Variants in PRR16 observed in about 807,000 individuals in gnomAD.
PRR16 encodes the protein protein Largen.
PRR16 carries 6 observed loss-of-function variants against 18.2 expected under a neutral mutation model. That is an observed-to-expected ratio of 0.33 (90% CI 0.18 to 0.65). The LOEUF is 0.65. Among genes scored for constraint, PRR16 ranks in the 30% least tolerant of loss-of-function variants. The pLI is 0.74. For missense variants in PRR16, 412 were observed against 376.6 expected, an observed-to-expected ratio of 1.09 and a Z score of -0.78; for synonymous variants, 151 against 147.8, an observed-to-expected ratio of 1.02 and a Z score of -0.16.
rs576755033 is a variant in PRR16, at chr5:120,541,207, C to T, written c.159+76562C>T. Among the ~76,000 whole-genome samples, 20 of 152,206 alleles carry T rather than the reference C, an allele frequency of 1.3e-4. No homozygotes were observed. In the South Asian group the frequency reaches 3.7e-3, roughly 28 times the overall value. ...TGTCATCCAGGTTGGAGAGCAGTAG[C>T]GCAATCTCGGCTCACTGCAACCTCT... On this transcript the variant is annotated intron_variant, in intron 1 of 1. Transcript: ENST00000407149.
At chr5:120,678,152 G>A (rs1183883245) in intron 1 of PRR16, among the ~76,000 whole-genome samples, 1 of 151,810 alleles carries the variant, frequency 6.6e-6, no homozygotes, top group Non-Finnish European at 1.5e-5. Context: ...CTGGTGATCC[G>A]CCTGCCTCGG....
chr5:120,530,482 G>A (rs1422592258), intron 1 of PRR16, among the ~76,000 whole-genome samples: 1 of 150,646 alleles, frequency 6.6e-6, no homozygotes, highest in African/African-American at 2.4e-5. Flanking sequence ...ATATCTCTGT[G>A]TACTTTTTGT....
intron 1 of PRR16, among the ~76,000 whole-genome samples, chr5:120,614,223 C>T (rs181988978): frequency 2.5e-3 from 388 of 152,280 alleles, no homozygotes; most frequent in Non-Finnish European, 4.0e-3. Context: ...AGTGTAAAAC[C>T]TATCATGATT....
intron 1 of PRR16, among the ~76,000 whole-genome samples, chr5:120,590,015 C>A (rs1444969128): frequency 6.6e-6 from 1 of 152,062 alleles, no homozygotes; most frequent in Non-Finnish European, 1.5e-5. Flanking sequence ...TATGTTTCTT[C>A]CCTGATTTAT....
intron 1 of PRR16, among the ~76,000 whole-genome samples, chr5:120,683,366 G>T (rs1372022914): frequency 6.6e-6 from 1 of 151,836 alleles, no homozygotes; most frequent in Non-Finnish European, 1.5e-5. Context: ...GGTGGGTGTG[G>T]TGGTGGCTGC....
chr5:120,486,907 C>T, intron 1 of PRR16, among the ~76,000 whole-genome samples: 1 of 152,190 alleles, frequency 6.6e-6, no homozygotes, highest in African/African-American at 2.4e-5. Context: ...ATAGGGAATC[C>T]TTTCCCCATT....
intron 1 of PRR16, among the ~76,000 whole-genome samples, chr5:120,626,571 A>G (rs899844924): frequency 3.3e-5 from 5 of 152,148 alleles, no homozygotes; most frequent in African/African-American, 4.8e-5. Flanking sequence ...GCATTTATCT[A>G]AAAGAATTGT....
At chr5:120,777,520 TC>T in the PRR16 span, among the ~76,000 whole-genome samples, 1 of 152,122 alleles carries the variant, frequency 6.6e-6, no homozygotes, top group Non-Finnish European at 1.5e-5. Flanking sequence ...TGCTCACTTT[TC>T]CCTATTCTCA....
chr5:120,496,634 A>AT (rs544079889), intron 1 of PRR16, among the ~76,000 whole-genome samples: 3,707 of 150,096 alleles, frequency 0.025, 55 homozygotes, highest in South Asian at 0.036. Context: ...TTGTAAATTT[A>AT]TTTTTTTTTG....
chr5:120,500,482 C>T (rs887562240), intron 1 of PRR16, among the ~76,000 whole-genome samples: 2 of 152,148 alleles, frequency 1.3e-5, no homozygotes, highest in African/African-American at 2.4e-5. Flanking sequence ...GAAGCAGAAT[C>T]GTTAATGCCT....
intron 1 of PRR16, among the ~76,000 whole-genome samples, chr5:120,628,705 T>C (rs1754954464): frequency 9.4e-6 from 1 of 106,434 alleles, no homozygotes; most frequent in South Asian, 3.3e-4. Flanking sequence ...CATCTATCTA[T>C]CTATCTATCT....
the PRR16 span, among the ~76,000 whole-genome samples, chr5:120,718,516 G>T: frequency 6.6e-6 from 1 of 152,062 alleles, no homozygotes; most frequent in Non-Finnish European, 1.5e-5. Flanking sequence ...TCTTTCTTGT[G>T]TGTGTTTTTT....
chr5:120,745,411 C>G, the PRR16 span, among the ~76,000 whole-genome samples: 1 of 152,116 alleles, frequency 6.6e-6, no homozygotes. Flanking sequence ...AGCATCCACT[C>G]TTTCTCATTA....
intron 1 of PRR16, among the ~76,000 whole-genome samples, chr5:120,668,365 G>T (rs1756470424): frequency 6.7e-6 from 1 of 149,664 alleles, no homozygotes; most frequent in African/African-American, 2.5e-5. Flanking sequence ...TGTGAGATGG[G>T]TTTCCTGAAT....
At chr5:120,502,136 C>A (rs1293213372) in intron 1 of PRR16, among the ~76,000 whole-genome samples, 1 of 150,886 alleles carries the variant, frequency 6.6e-6, no homozygotes, top group African/African-American at 2.4e-5. Flanking sequence ...CCCTTTGTTT[C>A]AATAATTTCA....
the PRR16 span, among the ~76,000 whole-genome samples, chr5:120,754,401 T>TTATACCATATAGTATATATTATATAATA: frequency 1.5e-5 from 1 of 67,212 alleles, no homozygotes; most frequent in African/African-American, 6.7e-5. Flanking sequence ...ATGTTATATA[T>TTATACCATATAGTATATATTATATAATA]TATACTATAT....
chr5:120,780,024 C>T, the PRR16 span, among the ~76,000 whole-genome samples: 1 of 152,126 alleles, frequency 6.6e-6, no homozygotes, highest in Admixed American at 6.5e-5. Flanking sequence ...TACCTATGCT[C>T]TCATTTACTT....
At chr5:120,716,750 T>C in the PRR16 span, among the ~76,000 whole-genome samples, 1 of 152,106 alleles carries the variant, frequency 6.6e-6, no homozygotes, top group Non-Finnish European at 1.5e-5. Flanking sequence ...CGGGCGCTTA[T>C]AATCCCAGCT....
intron 1 of PRR16, among the ~76,000 whole-genome samples, chr5:120,534,499 T>C (rs185471897): frequency 2.0e-5 from 3 of 152,310 alleles, no homozygotes. Context: ...AAGTATCCTA[T>C]TGTATCTTTT....
Sources: gnomAD v4.1 joint callset for allele counts (sites outside exome capture counted in the v4.1 genomes callset) on GRCh38, gnomAD v4.1.1 for gene constraint, MANE v1.5 for transcripts, NCBI Gene and HGNC (gene_info 2026-07-23, HGNC 2026-07-21) for gene names.